Variants in RHOBTB3 observed in about 807,000 individuals in gnomAD.
RHOBTB3 encodes the protein rho-related BTB domain-containing protein 3.
In RHOBTB3, 47 loss-of-function variants were observed where a neutral mutation model predicts 67.2. The observed-to-expected ratio is 0.70, with a 90% CI of 0.55 to 0.89. The LOEUF is 0.89. Ranked by LOEUF, RHOBTB3 falls within the 40% of genes least tolerant of loss-of-function variation. The probability of loss-of-function intolerance (pLI) is 0.00; values close to 1 mark genes in which losing one functional copy is unlikely to be tolerated. For missense variants in RHOBTB3, 631 were observed against 750.0 expected (o/e 0.84, Z 1.85); for synonymous variants, 273 against 274.2 (o/e 1.00, Z 0.04).
At position 95,737,051 on chromosome 5, in the gene RHOBTB3, G is replaced by A; in HGVS notation, c.391G>A (p.Ala131Thr). The A allele has an allele frequency of 2.5e-6, 4 of 1,595,076 alleles. No individual in the cohort carries two copies. The highest frequency in any genetic ancestry group is 3.4e-6 in the Non-Finnish European group (4 of 1,164,378). ...RALNSVPVII[A>T]AVGTRQNEEL... ...ATTAAATTCAGTTCCAGTAATTATT[G>A]CTGCTGTTGGTACCAGACAAAATGG... Residue 131 changes from alanine to threonine, a missense_variant, in exon 3 of 12, where the codon GCT becomes ACT. By Grantham distance (58) the Ala-to-Thr change is moderately conservative (BLOSUM62 0). Coordinates refer to ENST00000379982, the MANE Select transcript of RHOBTB3 (RefSeq NM_014899.4).
At chr5:95,767,991 A>G (rs905483340) in intron 7 of RHOBTB3, 55 bp from the exon 8 acceptor site, 15 of 1,553,546 alleles carry the variant, frequency 9.7e-6, no homozygotes, top group Non-Finnish European at 1.3e-5. Flanking sequence ...CCTAGCCTAT[A>G]TGTTATCAAA....
At chr5:95,787,487 T>A (rs77655239) in intron 10 of RHOBTB3, among the ~76,000 whole-genome samples, 10,966 of 152,146 alleles carry the variant, frequency 0.072, 534 homozygotes, top group Middle Eastern at 0.15. Context: ...TGAGTTTTTT[T>A]ATTAAGGTTT....
chr5:95,762,732 T>G (rs1745428608), intron 6 of RHOBTB3, among the ~76,000 whole-genome samples: 1 of 152,088 alleles, frequency 6.6e-6, no homozygotes, highest in Non-Finnish European at 1.5e-5. Context: ...TAGGATGGAT[T>G]TGATGGGGAA....
Position 95,755,752 on chromosome 5 carries a change from A to AT in RHOBTB3, c.1042dup (p.Tyr348LeufsTer32). The AT allele has an allele frequency of 6.2e-7, 1 of 1,613,392 alleles. No homozygotes were observed. The highest frequency in any genetic ancestry group is 1.1e-5 in the South Asian group (1 of 91,042). ...TTGTTTATCAGACATCCTTCGCTTCATTTATTCAGGTATCTTGTCAAGTGG... is the reference window on the plus strand; with the variant it reads ...TTGTTTATCAGACATCCTTCGCTTCATTTTATTCAGGTATCTTGTCAAGTGG... On this transcript the variant is annotated frameshift_variant, in exon 6 of 12. Coordinates refer to ENST00000379982, the MANE Select transcript of RHOBTB3 (RefSeq NM_014899.4). LOFTEE classifies it high-confidence loss of function.
upstream of RHOBTB3, among the ~76,000 whole-genome samples, chr5:95,726,964 C>T (rs1312423534): frequency 6.6e-6 from 1 of 151,830 alleles, no homozygotes. Flanking sequence ...TCGTTTCCCC[C>T]CTTTTTTTTT....
At position 95,772,371 on chromosome 5, in the gene RHOBTB3, G is replaced by C. The variant is rs57266987; in HGVS notation, c.1282+4205G>C. Among the ~76,000 whole-genome samples the C allele has an allele frequency of 7.9e-3, 1,202 of 152,220 alleles. 17 individuals are homozygous for C. The highest frequency in any genetic ancestry group is 0.028 in the African/African-American group (1,148 of 41,516). On this transcript the variant is annotated intron_variant, in intron 8 of 11. Coordinates refer to ENST00000379982, the MANE Select transcript of RHOBTB3 (RefSeq NM_014899.4). ...TGGATGTTCTAGCTACTGGTTCCAT[G>C]GCCAGGGCTGACCAGTCTCTTAACA...
chr5:95,746,910 CTAAATA>C (rs1371108789), intron 3 of RHOBTB3, among the ~76,000 whole-genome samples: 1 of 152,184 alleles, frequency 6.6e-6, no homozygotes, highest in East Asian at 1.9e-4. Flanking sequence ...TGCATATGCA[CTAAATA>C]TATTTAGCGT....
At chr5:95,783,447 CG>C (rs1185216640) in intron 9 of RHOBTB3, 1 of 152,574 alleles carries the variant, frequency 6.6e-6, no homozygotes, top group Non-Finnish European at 1.4e-5. Context: ...AATAATAGGC[CG>C]GGTGTGATGG....
chr5:95,783,379 C>A lies in RHOBTB3; in HGVS notation c.1457-418C>A, dbSNP rs577595767. ...CCTCGTGATCCGCCCACCTCGGCCT[C>A]CCCAAGTGCTGGGATTACAGGTGTG... On this transcript the variant is annotated intron_variant, in intron 9 of 11. Transcript: ENST00000379982. Among the ~76,000 whole-genome samples, 55 of 151,500 alleles carry A rather than the reference C, an allele frequency of 3.6e-4. 1 individual carries two copies. The highest frequency in any genetic ancestry group is 2.6e-3 in the Admixed American group (40 of 15,230).
At chr5:95,732,153 C>A in intron 2 of RHOBTB3, 69 bp downstream of exon 2, 1 of 1,376,832 alleles carries the variant, frequency 7.3e-7, no homozygotes. Context: ...CCCCCTCCCC[C>A]TTCTGCCCAC....
At chr5:95,753,614 C>T (rs1406482582) in intron 5 of RHOBTB3, among the ~76,000 whole-genome samples, 1 of 152,072 alleles carries the variant, frequency 6.6e-6, no homozygotes, top group Non-Finnish European at 1.5e-5. Context: ...CTTTTAATTT[C>T]CTGGTGTGCA....
chr5:95,765,535 G>A (rs1745517625), intron 7 of RHOBTB3, among the ~76,000 whole-genome samples: 1 of 152,212 alleles, frequency 6.6e-6, no homozygotes, highest in Admixed American at 6.5e-5. Context: ...CTTGGGAAAT[G>A]TAGATTACAA....
Position 95,750,271 on chromosome 5 carries a change from T to C in RHOBTB3, c.570+1784T>C, listed in dbSNP as rs143194761. Among the ~76,000 whole-genome samples, 955 of 152,290 alleles carry C rather than the reference T, an allele frequency of 6.3e-3. 4 individuals are homozygous for C. The highest frequency in any genetic ancestry group is 0.027 in the Middle Eastern group (8 of 294). On this transcript the variant is annotated intron_variant, in intron 4 of 11. Coordinates refer to ENST00000379982, the MANE Select transcript of RHOBTB3 (RefSeq NM_014899.4). ...GAGAAAGCCGCCTGCCTTCCAGCTT[T>C]AGAGAGCTCCATCTGTCCGTCCTCC...
chr5:95,729,688 C>T (rs1755164560), upstream of RHOBTB3, among the ~76,000 whole-genome samples: 1 of 152,128 alleles, frequency 6.6e-6, no homozygotes, highest in African/African-American at 2.4e-5. Flanking sequence ...TTCCCCTCTC[C>T]CCAGCCCCTG....
rs1240657378 is a variant in RHOBTB3 at position 95,731,395 on chromosome 5, G to A, written c.-288G>A. 2.0e-5 allele frequency: 24 copies of A among 1,176,174 alleles called. No individual in the cohort carries two copies. Among genetic ancestry groups the A allele is most frequent in the Non-Finnish European group, 2.5e-5 (24 of 955,332 alleles). 72.9% of individuals were successfully genotyped at this position (1,176,174 alleles called of 1,614,324 possible). On this transcript the variant is annotated 5_prime_UTR_variant, in exon 1 of 12. Coordinates refer to ENST00000379982, the MANE Select transcript of RHOBTB3 (RefSeq NM_014899.4). ...GGCGGAGAGGGGACTGCGGTCAGCT[G>A]CGTCCACTTGGGGCTGTGCGGCGGT...
At chr5:95,730,982 C>A, upstream of RHOBTB3, 3 of 568,884 alleles carry the variant, frequency 5.3e-6, no homozygotes, top group South Asian at 4.5e-5. Context: ...CTTCCCTAAC[C>A]TCCTTTTTCC....
chr5:95,731,291 C>T (rs1423606479), upstream of RHOBTB3: 40 of 1,031,098 alleles, frequency 3.9e-5, no homozygotes, highest in Middle Eastern at 4.5e-4. Context: ...CCGATCTCCC[C>T]GACCCCCCTT....
At chr5:95,781,014 A>T (rs1453071078) in intron 9 of RHOBTB3, among the ~76,000 whole-genome samples, 1 of 152,186 alleles carries the variant, frequency 6.6e-6, no homozygotes, top group Non-Finnish European at 1.5e-5. Context: ...TGTAGGATTC[A>T]TTTCCAAATT....
chr5:95,757,450 T>G (rs1246018539), intron 6 of RHOBTB3, among the ~76,000 whole-genome samples: 1 of 152,320 alleles, frequency 6.6e-6, no homozygotes, highest in South Asian at 2.1e-4. Flanking sequence ...TTAATTTGTT[T>G]TTAGGGTTCA....
Sources: allele counts gnomAD v4.1 joint callset (sites outside exome capture counted in the v4.1 genomes callset), GRCh38; gene constraint gnomAD v4.1.1; transcripts MANE v1.5; gene names NCBI Gene and HGNC (gene_info 2026-07-23, HGNC 2026-07-21).